Variants in NIM1K observed in about 807,000 individuals in gnomAD.
The protein encoded by NIM1K is serine/threonine-protein kinase NIM1.
In NIM1K, 35 loss-of-function variants were observed where a neutral mutation model predicts 37.1. That is an observed-to-expected ratio of 0.94 (90% confidence interval 0.72 to 1.25). The LOEUF (loss-of-function observed/expected upper bound fraction) is 1.25. NIM1K is among the 50% of genes most tolerant of loss of function. The pLI is 0.00. For synonymous variants in NIM1K, 234 were observed against 206.6 expected, an observed-to-expected ratio of 1.13 and a Z score of -1.14; for missense variants, 564 against 548.0, an observed-to-expected ratio of 1.03 and a Z score of -0.29.
rs540453945 is a variant in NIM1K at position 43,277,313 on chromosome 5, C to T, written c.549C>T (p.Ala183=). Residue 183 remains alanine, a synonymous_variant, in exon 3 of 4, where the codon GCC becomes GCT. Coordinates refer to ENST00000326035, the MANE Select transcript of NIM1K (RefSeq NM_153361.4). The part of the protein sequence containing the change: ...SKLIFSQIVS[A]VKHMHENQII... ...TCATCTTCTCCCAGATTGTGTCTGC[C>T]GTGAAGCACATGGTGAGCAGGGGTG... The T allele has an allele frequency of 3.2e-5, 52 of 1,613,756 alleles. No homozygotes were observed. The highest frequency in any genetic ancestry group is 1.5e-4 in the South Asian group (14 of 91,016).
chr5:43,244,416 G>A (rs1375033853), intron 1 of NIM1K, among the ~76,000 whole-genome samples: 2 of 152,226 alleles, frequency 1.3e-5, no homozygotes, highest in Non-Finnish European at 1.5e-5. Flanking sequence ...ATTCAGAGAG[G>A]AAGAGAGTAT....
intron 1 of NIM1K, among the ~76,000 whole-genome samples, chr5:43,222,909 G>C (rs917186464): frequency 3.3e-5 from 5 of 152,154 alleles, no homozygotes; most frequent in African/African-American, 4.8e-5. Context: ...CGGAGGCCGA[G>C]GTGGGCAGAT....
intron 1 of NIM1K, among the ~76,000 whole-genome samples, chr5:43,224,348 G>C (rs971018085): frequency 4.6e-5 from 7 of 151,846 alleles, no homozygotes; most frequent in Non-Finnish European, 8.8e-5. Context: ...GGCTGAGGCA[G>C]GAGAATCGCT....
At position 43,279,088 on chromosome 5, in the gene NIM1K, C is replaced by T. The variant is rs555251751; in HGVS notation, c.562-892C>T. ...TAGTCTTCAGCAGCTCTACTCCCTG[C>T]CATTTCTCCAACGCTCTGCAAACAG... is the stretch of plus-strand genomic sequence containing the variant. On this transcript the variant is annotated intron_variant, in intron 3 of 3. Coordinates refer to ENST00000326035, the MANE Select transcript of NIM1K (RefSeq NM_153361.4). Among the ~76,000 whole-genome samples the T allele has an allele frequency of 4.6e-5, 7 of 152,338 alleles. No homozygotes were observed. In the South Asian group the frequency reaches 1.4e-3, roughly 32 times the overall value.
intron 2 of NIM1K, among the ~76,000 whole-genome samples, chr5:43,257,546 T>G (rs1367881556): frequency 6.6e-6 from 1 of 151,440 alleles, no homozygotes; most frequent in Non-Finnish European, 1.5e-5. Context: ...GAGACGGGGG[T>G]TTCACCATGT....
chr5:43,236,364 C>T lies in NIM1K; in HGVS notation c.-694-8718C>T, dbSNP rs146906350. ...TTGGTGGGTGGATTGCACCTGTAAT[C>T]CTAGCTACAAGGAGGCTGAGGCAGA... On this transcript the variant is annotated intron_variant, in intron 1 of 3. Coordinates refer to ENST00000326035, the MANE Select transcript of NIM1K (RefSeq NM_153361.4). Among the ~76,000 whole-genome samples, 209 of 151,980 alleles carry T rather than the reference C, an allele frequency of 1.4e-3. 2 individuals are homozygous for T. Among genetic ancestry groups the T allele is most frequent in the South Asian group, 1.7e-3 (8 of 4,806 alleles).
chr5:43,249,606 G>C (rs1466499673), intron 2 of NIM1K, among the ~76,000 whole-genome samples: 3 of 152,138 alleles, frequency 2.0e-5, no homozygotes, highest in African/African-American at 4.8e-5. Context: ...CCTTTAATAG[G>C]AATAGGAGAA....
chr5:43,220,375 T>TCC (rs1326710096), intron 1 of NIM1K, among the ~76,000 whole-genome samples: 1 of 144,674 alleles, frequency 6.9e-6, no homozygotes, highest in Non-Finnish European at 1.5e-5. Flanking sequence ...AACCTTCACC[T>TCC]CCCAGGTTCA....
At chr5:43,218,513 G>C (rs1752335083) in intron 1 of NIM1K, among the ~76,000 whole-genome samples, 1 of 152,098 alleles carries the variant, frequency 6.6e-6, no homozygotes, top group Admixed American at 6.6e-5. Context: ...GAGGAGCCAA[G>C]GTGGCACATG....
intron 1 of NIM1K, among the ~76,000 whole-genome samples, chr5:43,241,914 T>G (rs1040730463): frequency 6.6e-6 from 1 of 151,954 alleles, no homozygotes; most frequent in Non-Finnish European, 1.5e-5. Context: ...ACTTAGATGA[T>G]TTATTTGGCA....
chr5:43,255,547 G>T (rs567126312), intron 2 of NIM1K, among the ~76,000 whole-genome samples: 1 of 152,210 alleles, frequency 6.6e-6, no homozygotes, highest in Non-Finnish European at 1.5e-5. Context: ...TCAAGAGATG[G>T]AGGCCATCCT....
At chr5:43,238,073 C>G (rs1184031309) in intron 1 of NIM1K, among the ~76,000 whole-genome samples, 2 of 134,016 alleles carry the variant, frequency 1.5e-5, no homozygotes, top group East Asian at 4.4e-4. Context: ...GATGGAGTCT[C>G]GCTCTGTCGC....
chr5:43,263,498 CT>C (rs1229500193), intron 2 of NIM1K, among the ~76,000 whole-genome samples: 6 of 151,040 alleles, frequency 4.0e-5, no homozygotes, highest in Non-Finnish European at 8.8e-5. Context: ...ATTCTTCTCT[CT>C]TTTCTTCTTT....
intron 1 of NIM1K, among the ~76,000 whole-genome samples, chr5:43,235,714 G>A (rs1752611028): frequency 6.6e-6 from 1 of 152,204 alleles, no homozygotes; most frequent in Non-Finnish European, 1.5e-5. Flanking sequence ...GAATTAAACA[G>A]ACATTTGTTT....
chr5:43,250,860 A>G (rs542138433), intron 2 of NIM1K, among the ~76,000 whole-genome samples: 18 of 152,212 alleles, frequency 1.2e-4, no homozygotes, highest in Admixed American at 7.9e-4. Flanking sequence ...TTAGATTCCA[A>G]TAGAAAGGAA....
intron 1 of NIM1K, among the ~76,000 whole-genome samples, chr5:43,241,803 A>T (rs1206502692): frequency 1.3e-5 from 2 of 152,008 alleles, no homozygotes; most frequent in Non-Finnish European, 2.9e-5. Context: ...TTACAATTTT[A>T]TGTAGTCAAA....
At chr5:43,268,232 C>T (rs997622067) in intron 2 of NIM1K, among the ~76,000 whole-genome samples, 1 of 152,216 alleles carries the variant, frequency 6.6e-6, no homozygotes. Context: ...TTTCTGCCCA[C>T]TGCACAAGCA....
At position 43,245,915 on chromosome 5, in the gene NIM1K, C is replaced by T; in HGVS notation, c.140C>T (p.Pro47Leu). The T allele has an allele frequency of 1.2e-6, 2 of 1,614,056 alleles. No individual in the cohort carries two copies. The highest frequency in any genetic ancestry group is 1.7e-6 in the Non-Finnish European group (2 of 1,180,016). ...GAGGGACAGCCCCGCCAGCTGACGC[C>T]CTTCGAGAAACTGACACAGGACATG... The part of the protein sequence containing the change: ...GEEGQPRQLT[P>L]FEKLTQDMSQ... The change falls in exon 2 of 4, where the codon CCC becomes CTC. Residue 47 changes from proline (P) to leucine (L), a missense_variant. Physicochemically the swap from Pro to Leu is moderately conservative, Grantham distance 98. Transcript: ENST00000326035.
At chr5:43,279,638 C>T (rs1753407070) in intron 3 of NIM1K, among the ~76,000 whole-genome samples, 1 of 152,206 alleles carries the variant, frequency 6.6e-6, no homozygotes, top group Admixed American at 6.5e-5. Flanking sequence ...GCCAGAAAAA[C>T]CCATGTATGA....
Sources: allele counts gnomAD v4.1 joint callset (sites outside exome capture counted in the v4.1 genomes callset), GRCh38; gene constraint gnomAD v4.1.1; transcripts MANE v1.5; gene names NCBI Gene and HGNC (gene_info 2026-07-23, HGNC 2026-07-21).